TM9SF2: variants seen among roughly 807,000 people sequenced by gnomAD.
TM9SF2 encodes the protein 76 kDa membrane protein.
Under a neutral mutation model 84.9 loss-of-function variants are expected in TM9SF2, and 13 were observed. The ratio of observed to expected loss-of-function variants is 0.15; its 90% CI spans 0.10 to 0.24. TM9SF2 has a LOEUF of 0.24. TM9SF2 is among the 10% of genes least tolerant of loss of function. TM9SF2 has a pLI of 1.00. For synonymous variants in TM9SF2, 273 were observed against 285.8 expected (o/e 0.96, Z 0.45); for missense variants, 562 against 818.5 (o/e 0.69, Z 3.82).
intron 1 of TM9SF2, among the ~76,000 whole-genome samples, chr13:99,507,291 G>C (rs1047272165): frequency 6.6e-6 from 1 of 152,116 alleles, no homozygotes; most frequent in East Asian, 1.9e-4. Flanking sequence ...CTTTCCCCTG[G>C]GGATCCCTGA....
chr13:99,528,298 A>T (rs1192208925), intron 3 of TM9SF2, among the ~76,000 whole-genome samples: 1 of 152,222 alleles, frequency 6.6e-6, no homozygotes, highest in Non-Finnish European at 1.5e-5. Context: ...GGCTATGCCG[A>T]TGCTCAGTTG....
intron 1 of TM9SF2, among the ~76,000 whole-genome samples, chr13:99,509,484 C>T (rs2046103997): frequency 6.6e-6 from 1 of 152,242 alleles, no homozygotes; most frequent in South Asian, 2.1e-4. Context: ...GCATTCTTCG[C>T]TCTTGAACTC....
intron 1 of TM9SF2, among the ~76,000 whole-genome samples, chr13:99,504,197 G>T (rs2046079375): frequency 6.6e-6 from 1 of 152,176 alleles, no homozygotes; most frequent in African/African-American, 2.4e-5. Flanking sequence ...TTTCGTATTT[G>T]TTAAGGAGGA....
chr13:99,529,814 C>G (rs1434434705), intron 4 of TM9SF2, among the ~76,000 whole-genome samples: 2 of 152,062 alleles, frequency 1.3e-5, no homozygotes, highest in Non-Finnish European at 2.9e-5. Context: ...ACTGTAATAT[C>G]TGGTACTTCT....
rs1157719572 is a variant in TM9SF2 at position 99,563,099 on chromosome 13, A to G, written c.*341A>G. On this transcript the variant is annotated 3_prime_UTR_variant, in exon 17 of 17. Transcript: ENST00000376387. The stretch of plus-strand genomic sequence containing the variant: ...GGCCATATTAAATAATACTGATGAA[A>G]GGCAGGACACTGCATTGTAAATAGG... 1.1e-5 allele frequency: 2 copies of G among 178,052 alleles called. No homozygotes were observed. Among genetic ancestry groups the G allele is most frequent in the African/African-American group, 4.7e-5 (2 of 42,390 alleles). 11.0% of individuals were successfully genotyped at this position (178,052 alleles called of 1,614,324 possible). A position where few individuals can be genotyped will look rare whatever the true frequency, so the allele number is the denominator to read the frequency against.
chr13:99,529,636 A>T, intron 4 of TM9SF2, 42 bp downstream of exon 4: 2 of 1,456,126 alleles, frequency 1.4e-6, no homozygotes, highest in Non-Finnish European at 9.1e-7. Flanking sequence ...TATCCTTTCC[A>T]TATGAAATCT....
At chr13:99,523,582 G>GCTTTGTTATTATGT (rs2046169656) in intron 3 of TM9SF2, among the ~76,000 whole-genome samples, 2 of 152,218 alleles carry the variant, frequency 1.3e-5, no homozygotes, top group African/African-American at 4.8e-5. Context: ...GACATTGTGT[G>GCTTTGTTATTATGT]TATTATGTGA....
At chr13:99,536,295 T>G (rs1490813890) in intron 4 of TM9SF2, among the ~76,000 whole-genome samples, 1 of 151,490 alleles carries the variant, frequency 6.6e-6, no homozygotes, top group Admixed American at 6.6e-5. Context: ...ACGAAGTTTT[T>G]TTTGTTTTTT....
At chr13:99,545,939 T>G (rs1396989590) in intron 10 of TM9SF2, among the ~76,000 whole-genome samples, 1 of 152,198 alleles carries the variant, frequency 6.6e-6, no homozygotes, top group Non-Finnish European at 1.5e-5. Flanking sequence ...GCTAGAAAAG[T>G]GAACTTTTAA....
At chr13:99,534,205 G>C (rs1467453224) in intron 4 of TM9SF2, among the ~76,000 whole-genome samples, 2 of 152,102 alleles carry the variant, frequency 1.3e-5, no homozygotes. Flanking sequence ...AGTTATCAGA[G>C]TACTTACCAT....
At position 99,549,149 on chromosome 13, in the gene TM9SF2, T is replaced by C. The variant is rs765776257; in HGVS notation, c.1271-16T>C. ...AAGAAAATCTGTATTTATACAACTT[T>C]TGTTTTCTTCTATAGCCTTTGGAGG... On this transcript the variant is annotated splice_polypyrimidine_tract_variant and intron_variant, in intron 11 of 16. Transcript: ENST00000376387. 6.2e-7 allele frequency: 1 copy of C among 1,607,874 alleles called. No individual in the cohort carries two copies.
chr13:99,545,759 G>C (rs1009486641), intron 10 of TM9SF2, among the ~76,000 whole-genome samples: 1 of 152,064 alleles, frequency 6.6e-6, no homozygotes, highest in African/African-American at 2.4e-5. Context: ...TAGAGACACG[G>C]TTTCACCATG....
At chr13:99,549,284 A>G in intron 12 of TM9SF2, 62 bp downstream of exon 12, 1 of 1,347,042 alleles carries the variant, frequency 7.4e-7, no homozygotes, top group Non-Finnish European at 1.1e-6. Flanking sequence ...CCAAATTTTC[A>G]GTCGTTGAGT....
chr13:99,545,862 G>C (rs1356241522), intron 10 of TM9SF2, among the ~76,000 whole-genome samples: 1 of 152,186 alleles, frequency 6.6e-6, no homozygotes, highest in Non-Finnish European at 1.5e-5. Flanking sequence ...ACCACACCCA[G>C]CCAACTCCTG....
intron 12 of TM9SF2, among the ~76,000 whole-genome samples, chr13:99,551,387 T>C (rs895605761): frequency 4.6e-5 from 7 of 152,222 alleles, no homozygotes; most frequent in Non-Finnish European, 1.0e-4. Flanking sequence ...AGATAAGTGA[T>C]GCTGGGACAG....
intron 14 of TM9SF2, among the ~76,000 whole-genome samples, chr13:99,554,886 A>T (rs528260674): frequency 3.5e-4 from 53 of 152,090 alleles, no homozygotes; most frequent in Admixed American, 5.9e-4. Flanking sequence ...GTCGGAGGGG[A>T]TTGGTGAAGG....
chr13:99,562,175 G>A (rs949310249), intron 16 of TM9SF2, among the ~76,000 whole-genome samples: 6 of 152,078 alleles, frequency 3.9e-5, no homozygotes, highest in Middle Eastern at 3.2e-3. Flanking sequence ...TTTCAGCTAG[G>A]ATGCATTTTT....
chr13:99,539,351 C>T (rs760434148), intron 6 of TM9SF2, 95 bp from the exon 7 acceptor site: 7 of 745,644 alleles, frequency 9.4e-6, no homozygotes, highest in African/African-American at 1.7e-5. Context: ...CCTTTGTCAG[C>T]AGCATTTTAA....
chr13:99,553,498 A>G (rs950165628), intron 13 of TM9SF2, among the ~76,000 whole-genome samples: 1 of 152,260 alleles, frequency 6.6e-6, no homozygotes, highest in African/African-American at 2.4e-5. Context: ...ATTTAATATC[A>G]GCCTTGGAAA....
Sources: gnomAD v4.1 joint callset for allele counts (sites outside exome capture counted in the v4.1 genomes callset) on GRCh38, gnomAD v4.1.1 for gene constraint, MANE v1.5 for transcripts, NCBI Gene and HGNC (gene_info 2026-07-23, HGNC 2026-07-21) for gene names.